The following FRK variants were observed in gnomAD, a reference collection of about 807,000 sequenced individuals.
FRK encodes the protein fyn related Src family tyrosine kinase.
In FRK, 51 loss-of-function variants were observed where a neutral mutation model predicts 56.4. That is an observed-to-expected ratio of 0.90 (90% confidence interval 0.72 to 1.14). FRK has a LOEUF of 1.14. Ranked by LOEUF, FRK falls within the 50% of genes most tolerant of loss-of-function variation. FRK has a pLI of 0.00. For missense variants in FRK, 570 were observed against 601.4 expected (o/e 0.95, Z 0.55); for synonymous variants, 245 against 217.9 (o/e 1.12, Z -1.10).
rs1772073137 is a variant in FRK at position 115,937,506 on chromosome 6, C to A, written c.*4908G>T. On this transcript the variant is annotated 3_prime_UTR_variant, in exon 8 of 8. Transcript: ENST00000606080. The stretch of plus-strand genomic sequence containing the variant: ...ACCTTAAATGTAAACAGGCTGAATG[C>A]CCCAAGTAAAAGACAGAATGGCAAA... 1.3e-5 allele frequency: 2 copies of A among 152,084 alleles called. No individual in the cohort carries two copies. Among genetic ancestry groups the A allele is most frequent in the Admixed American group, 1.3e-4 (2 of 15,258 alleles). 9.4% of individuals were successfully genotyped at this position (152,084 alleles called of 1,614,324 possible).
At chr6:116,047,642 A>T (rs1777023142) in intron 1 of FRK, among the ~76,000 whole-genome samples, 1 of 21,992 alleles carries the variant, frequency 4.5e-5, no homozygotes, top group South Asian at 1.3e-3. Context: ...TAATTAGCTC[A>T]TGAGTCTGAA....
At chr6:115,953,179 CATT>C (rs1562253518) in intron 5 of FRK, among the ~76,000 whole-genome samples, 4 of 69,398 alleles carry the variant, frequency 5.8e-5, no homozygotes, top group African/African-American at 1.9e-4. Flanking sequence ...ATTTTAAGGC[CATT>C]TTTTTTTTTT....
the FRK span, among the ~76,000 whole-genome samples, chr6:116,072,239 C>T: frequency 6.6e-6 from 1 of 152,050 alleles, no homozygotes; most frequent in Non-Finnish European, 1.5e-5. Context: ...GTATCATCCA[C>T]AGAGCTTGGA....
the FRK span, among the ~76,000 whole-genome samples, chr6:116,099,520 G>C: frequency 6.6e-6 from 1 of 152,194 alleles, no homozygotes; most frequent in South Asian, 2.1e-4. Context: ...TTGGTTCACA[G>C]ACATTGAAAA....
At chr6:116,061,831 G>A (rs532046610), upstream of FRK, among the ~76,000 whole-genome samples, 1 of 151,910 alleles carries the variant, frequency 6.6e-6, no homozygotes, top group African/African-American at 2.4e-5. Context: ...AATGTTGTGA[G>A]ACCCTTGAAC....
the FRK span, among the ~76,000 whole-genome samples, chr6:116,092,538 GGT>G: frequency 6.6e-6 from 1 of 152,152 alleles, no homozygotes. Flanking sequence ...GACAGGCAAA[GGT>G]GCAGGTTTTC....
Position 116,060,044 on chromosome 6 carries a change from C to T in FRK, c.268G>A (p.Asp90Asn), listed in dbSNP as rs144021686. The change falls in exon 1 of 8, where the codon GAT (aspartate) becomes AAT (asparagine). Residue 90 changes from aspartate to asparagine, a missense_variant. Coordinates refer to ENST00000606080, the MANE Select transcript of FRK (RefSeq NM_002031.3). ...WFARHLEKRR[D>N]GSSQQLQGYI... is the part of the protein sequence containing the mutation. Reference sequence around the variant, plus strand: ...CCTTGTAGTTGCTGACTGGAGCCATCTCGTCTTTTCTCCAAGTGTCTGGCA... The same window carrying T: ...CCTTGTAGTTGCTGACTGGAGCCATTTCGTCTTTTCTCCAAGTGTCTGGCA... The T allele has an allele frequency of 5.6e-6, 9 of 1,614,072 alleles. No homozygotes were observed. The African/African-American group carries it at 1.2e-4, about 22-fold the overall frequency.
chr6:115,942,399 A>T lies in FRK; in HGVS notation c.*15T>A, dbSNP rs906176902. 1 of 1,586,306 alleles carries T rather than the reference A, an allele frequency of 6.3e-7. No individual in the cohort carries two copies. The highest frequency in any genetic ancestry group is 2.2e-5 in the East Asian group (1 of 44,712). On this transcript the variant is annotated 3_prime_UTR_variant, in exon 8 of 8. Transcript: ENST00000606080. ...TTGTTTTGCTACTTTATTATTTGAT[A>T]TTCTTCTCCAGTGTTCATCTTATGA...
At position 115,934,589 on chromosome 6, in the gene FRK, G is replaced by A. The variant is rs1161524914; in HGVS notation, c.*7825C>T. The A allele has an allele frequency of 6.6e-6, 1 of 152,140 alleles. No homozygotes were observed. The highest frequency in any genetic ancestry group is 1.5e-5 in the Non-Finnish European group (1 of 68,034). 9.4% of individuals were successfully genotyped at this position (152,140 alleles called of 1,614,324 possible). A position where few individuals can be genotyped will look rare whatever the true frequency, so the allele number is the denominator to read the frequency against. ...TGAACTGCTAATGATATTGTGCCTGGAGCCCTCCCTACTTCCTGTCTCCCA... is the reference window on the plus strand; with the variant it reads ...TGAACTGCTAATGATATTGTGCCTGAAGCCCTCCCTACTTCCTGTCTCCCA... On this transcript the variant is annotated 3_prime_UTR_variant, in exon 8 of 8. Coordinates refer to ENST00000606080, the MANE Select transcript of FRK (RefSeq NM_002031.3).
At chr6:115,961,416 T>G (rs1773358887) in intron 4 of FRK, among the ~76,000 whole-genome samples, 1 of 124,300 alleles carries the variant, frequency 8.0e-6, no homozygotes, top group Non-Finnish European at 1.6e-5. Context: ...AATCTACGTC[T>G]GATTGGTGTA....
At chr6:116,091,883 AC>A in the FRK span, among the ~76,000 whole-genome samples, 2 of 152,140 alleles carry the variant, frequency 1.3e-5, no homozygotes, top group African/African-American at 4.8e-5. Flanking sequence ...TGGGGTCCAG[AC>A]AAAAAGTTGG....
chr6:116,029,745 G>T (rs1053882649), intron 1 of FRK, among the ~76,000 whole-genome samples: 1 of 152,014 alleles, frequency 6.6e-6, no homozygotes, highest in Non-Finnish European at 1.5e-5. Context: ...CCTTTTCTGA[G>T]GTCAAATTAG....
intron 1 of FRK, among the ~76,000 whole-genome samples, chr6:116,013,836 G>C (rs1193525157): frequency 2.0e-5 from 3 of 151,974 alleles, no homozygotes; most frequent in African/African-American, 7.2e-5. Flanking sequence ...ATTCAAGAAG[G>C]GTCAATAATG....
chr6:115,980,067 T>C (rs1774138819), intron 2 of FRK, among the ~76,000 whole-genome samples: 1 of 152,152 alleles, frequency 6.6e-6, no homozygotes, highest in African/African-American at 2.4e-5. Context: ...ATATCATCAT[T>C]AACATTCTTA....
chr6:116,002,063 G>A (rs1162470988), intron 2 of FRK, among the ~76,000 whole-genome samples: 1 of 152,046 alleles, frequency 6.6e-6, no homozygotes, highest in African/African-American at 2.4e-5. Flanking sequence ...AAAGTATTTC[G>A]ATATTTAAAA....
intron 1 of FRK, among the ~76,000 whole-genome samples, chr6:116,020,845 G>A (rs780212647): frequency 6.6e-6 from 1 of 152,056 alleles, no homozygotes; most frequent in Non-Finnish European, 1.5e-5. Context: ...AGAGACAATA[G>A]TATAACCACT....
At chr6:116,098,500 C>G in the FRK span, among the ~76,000 whole-genome samples, 9 of 152,056 alleles carry the variant, frequency 5.9e-5, no homozygotes, top group African/African-American at 2.2e-4. Flanking sequence ...GAATGCTAAT[C>G]CTGTTGGATT....
At chr6:116,083,208 G>A in the FRK span, among the ~76,000 whole-genome samples, 2 of 152,222 alleles carry the variant, frequency 1.3e-5, no homozygotes, top group Admixed American at 6.5e-5. Context: ...AATAACGTCA[G>A]TGACTCTACA....
At chr6:115,949,736 CA>C (rs1253795940) in intron 5 of FRK, among the ~76,000 whole-genome samples, 1 of 152,092 alleles carries the variant, frequency 6.6e-6, no homozygotes, top group East Asian at 1.9e-4. Context: ...CAATCCTAAG[CA>C]AAAATAACAA....
Sources: gnomAD v4.1 joint callset for allele counts (sites outside exome capture counted in the v4.1 genomes callset) on GRCh38, gnomAD v4.1.1 for gene constraint, MANE v1.5 for transcripts, NCBI Gene and HGNC (gene_info 2026-07-23, HGNC 2026-07-21) for gene names.